Variants in GRM7 observed in about 807,000 individuals in gnomAD.
GRM7 encodes glutamate metabotropic receptor 7.
Under a neutral mutation model 84.5 loss-of-function variants are expected in GRM7, and 35 were observed. The observed-to-expected ratio is 0.41, with a 90% CI of 0.32 to 0.55. The LOEUF (loss-of-function observed/expected upper bound fraction) is 0.55, where lower values mean the gene tolerates loss of function less well. Among genes scored for constraint, GRM7 ranks in the 20% least tolerant of loss-of-function variants. The pLI, the probability that GRM7 is intolerant of heterozygous loss-of-function variation, is 0.19. For synonymous variants in GRM7, 487 were observed against 455.1 expected, an observed-to-expected ratio of 1.07 and a Z score of -0.89; for missense variants, 1,003 against 1,194.6, an observed-to-expected ratio of 0.84 and a Z score of 2.36.
chr3:7,190,339 C>T (rs545123085), intron 2 of GRM7, among the ~76,000 whole-genome samples: 27 of 152,134 alleles, frequency 1.8e-4, no homozygotes, highest in African/African-American at 5.5e-4. Context: ...TTATTCTCAG[C>T]GTACAGTGTT....
chr3:7,495,499 CAA>C (rs1699668882), intron 7 of GRM7, among the ~76,000 whole-genome samples: 1 of 152,108 alleles, frequency 6.6e-6, no homozygotes, highest in African/African-American at 2.4e-5. Flanking sequence ...CCCGTGGTGA[CAA>C]AGAGGCTTCC....
intron 2 of GRM7, among the ~76,000 whole-genome samples, chr3:7,173,127 A>T (rs1695038348): frequency 6.6e-6 from 1 of 152,206 alleles, no homozygotes; most frequent in African/African-American, 2.4e-5. Context: ...GAAGTAACAG[A>T]GCCAGTATTT....
intron 9 of GRM7, among the ~76,000 whole-genome samples, chr3:7,739,001 T>C (rs1702601367): frequency 6.6e-6 from 1 of 152,220 alleles, no homozygotes; most frequent in Non-Finnish European, 1.5e-5. Flanking sequence ...ATACGGTGAC[T>C]CAGTTCTCAT....
At chr3:7,681,455 TG>T (rs2125141996) in intron 9 of GRM7, 1 of 152,360 alleles carries the variant, frequency 6.6e-6, no homozygotes, top group South Asian at 2.1e-4. Flanking sequence ...ACTGTGATTT[TG>T]GCCTGTCTCT....
chr3:7,601,679 T>C (rs1429847781), intron 8 of GRM7, among the ~76,000 whole-genome samples: 1 of 152,118 alleles, frequency 6.6e-6, no homozygotes, highest in Non-Finnish European at 1.5e-5. Context: ...AAGTCAGGAT[T>C]CAGGTTCTAT....
At chr3:7,572,903 ATTCT>A (rs1477025232) in intron 7 of GRM7, among the ~76,000 whole-genome samples, 3 of 126,562 alleles carry the variant, frequency 2.4e-5, no homozygotes, top group Non-Finnish European at 4.9e-5. Flanking sequence ...ACCTATAATA[ATTCT>A]TTCTATGTGG....
intron 9 of GRM7, among the ~76,000 whole-genome samples, chr3:7,685,666 T>A (rs1700553924): frequency 6.6e-6 from 1 of 152,160 alleles, no homozygotes; most frequent in East Asian, 1.9e-4. Context: ...GATGGTGTTT[T>A]TCTTGTGCTA....
At chr3:7,097,070 A>G (rs1007021388) in intron 1 of GRM7, among the ~76,000 whole-genome samples, 1 of 152,116 alleles carries the variant, frequency 6.6e-6, no homozygotes, top group Admixed American at 6.6e-5. Context: ...CTGGGGCACA[A>G]TTTAGTTTCC....
At chr3:7,730,225 C>G (rs563018149) in intron 9 of GRM7, among the ~76,000 whole-genome samples, 17 of 151,186 alleles carry the variant, frequency 1.1e-4, no homozygotes, top group Admixed American at 9.9e-4. Flanking sequence ...CCAGGATGGT[C>G]TCAATCTCTT....
At chr3:7,720,744 C>G (rs557862784) in intron 9 of GRM7, among the ~76,000 whole-genome samples, 3 of 152,254 alleles carry the variant, frequency 2.0e-5, no homozygotes, top group African/African-American at 4.8e-5. Flanking sequence ...TTGTCCATAA[C>G]TTTTTGGTAC....
intron 4 of GRM7, among the ~76,000 whole-genome samples, chr3:7,336,207 A>G (rs1701414439): frequency 6.6e-6 from 1 of 152,008 alleles, no homozygotes; most frequent in Non-Finnish European, 1.5e-5. Flanking sequence ...GATCAAGTGG[A>G]TTTCATACCT....
chr3:7,307,403 T>C (rs1700231393), intron 4 of GRM7, among the ~76,000 whole-genome samples: 1 of 152,234 alleles, frequency 6.6e-6, no homozygotes, highest in South Asian at 2.1e-4. Context: ...CCTTTTCTGA[T>C]GGGCCATGTC....
intron 2 of GRM7, among the ~76,000 whole-genome samples, chr3:7,189,907 A>G (rs1490591814): frequency 6.6e-6 from 1 of 151,710 alleles, no homozygotes; most frequent in Admixed American, 6.6e-5. Flanking sequence ...TGCTGAGACT[A>G]TTGCATTATT....
chr3:7,094,293 C>T (rs964181874), intron 1 of GRM7, among the ~76,000 whole-genome samples: 3 of 152,074 alleles, frequency 2.0e-5, no homozygotes, highest in African/African-American at 7.2e-5. Context: ...TTTTGTACAT[C>T]CAACCGACAT....
chr3:7,256,375 A>C (rs904775109), intron 2 of GRM7, among the ~76,000 whole-genome samples: 1 of 152,192 alleles, frequency 6.6e-6, no homozygotes, highest in African/African-American at 2.4e-5. Flanking sequence ...TGAAAGAATA[A>C]AATTAATTTT....
intron 4 of GRM7, among the ~76,000 whole-genome samples, chr3:7,371,384 G>T (rs533084228): frequency 6.6e-6 from 1 of 152,208 alleles, no homozygotes; most frequent in South Asian, 2.1e-4. Flanking sequence ...TTATAGCTTG[G>T]TGAGAGACTT....
intron 4 of GRM7, among the ~76,000 whole-genome samples, chr3:7,331,117 G>C (rs145499267): frequency 1.3e-5 from 2 of 152,178 alleles, no homozygotes; most frequent in Non-Finnish European, 2.9e-5. Context: ...CAAGATCGGG[G>C]ATCCATGTCT....
rs182996163 is a variant in GRM7, at chr3:7,303,288, A to C, written c.879-3210A>C. ...AATAAATACATAAAAAAACTAAAATATGACTAAAGTACTTTTGATGCAAAA... is the reference window on the plus strand; with the variant it reads ...AATAAATACATAAAAAAACTAAAATCTGACTAAAGTACTTTTGATGCAAAA... On this transcript the variant is annotated intron_variant, in intron 3 of 9. Transcript: ENST00000357716. Among the ~76,000 whole-genome samples, 18 of 152,292 alleles carry C rather than the reference A, an allele frequency of 1.2e-4. No individual in the cohort carries two copies. The East Asian group carries it at 3.1e-3, about 26-fold the overall frequency.
chr3:7,032,122 A>T (rs1435046670), intron 1 of GRM7, among the ~76,000 whole-genome samples: 1 of 152,184 alleles, frequency 6.6e-6, no homozygotes, highest in Non-Finnish European at 1.5e-5. Flanking sequence ...TATGGAAGTT[A>T]ATTTGGTAAG....
Sources: gnomAD v4.1 joint callset for allele counts (sites outside exome capture counted in the v4.1 genomes callset) on GRCh38, gnomAD v4.1.1 for gene constraint, MANE v1.5 for transcripts, NCBI Gene and HGNC (gene_info 2026-07-23, HGNC 2026-07-21) for gene names.